GTF2I: variants seen among roughly 807,000 people sequenced by gnomAD.
GTF2I encodes general transcription factor IIi.
GTF2I carries 12 observed loss-of-function variants against 67.6 expected under a neutral mutation model. The ratio of observed to expected loss-of-function variants is 0.18; its 90% CI spans 0.11 to 0.29. The LOEUF (loss-of-function observed/expected upper bound fraction) is 0.29. Among genes scored for constraint, GTF2I ranks in the 10% least tolerant of loss-of-function variants. The probability of loss-of-function intolerance (pLI) is 1.00; values close to 1 mark genes in which losing one functional copy is unlikely to be tolerated. For synonymous variants in GTF2I, 149 were observed against 197.0 expected (o/e 0.76, Z 2.04); for missense variants, 271 against 580.1 (o/e 0.47, Z 5.47).
chr7:74,709,201 C>T (rs1554402088), intron 8 of GTF2I, among the ~76,000 whole-genome samples: 1 of 152,138 alleles, frequency 6.6e-6, no homozygotes, highest in Non-Finnish European at 1.5e-5. Flanking sequence ...CCACAGTCTA[C>T]GTTTCTGCAG....
intron 8 of GTF2I, among the ~76,000 whole-genome samples, chr7:74,708,725 T>G (rs1312658674): frequency 6.6e-6 from 1 of 152,182 alleles, no homozygotes; most frequent in Non-Finnish European, 1.5e-5. Flanking sequence ...GAGCTCAAAC[T>G]TCAGCAGAAA....
At position 74,717,745 on chromosome 7, in the gene GTF2I, A is replaced by G. The variant is rs587701113; in HGVS notation, c.880+795A>G. ...TTTACATTTTTATTTTAATTAAAAA[A>G]AAACATTTGTTTGATCTTTTACCTT... On this transcript the variant is annotated intron_variant, in intron 11 of 34. Coordinates refer to ENST00000573035, the MANE Select transcript of GTF2I (RefSeq NM_032999.4). Among the ~76,000 whole-genome samples the G allele has an allele frequency of 3.3e-5, 5 of 152,362 alleles. No homozygotes were observed. In the East Asian group the frequency reaches 9.6e-4, roughly 29 times the overall value.
At chr7:74,697,201 T>C (rs1305396983) in intron 3 of GTF2I, among the ~76,000 whole-genome samples, 5 of 151,996 alleles carry the variant, frequency 3.3e-5, no homozygotes, top group African/African-American at 4.8e-5. Flanking sequence ...ATCGAGACCA[T>C]GTGGCCAACA....
chr7:74,690,091 T>G (rs1788136617), intron 2 of GTF2I, among the ~76,000 whole-genome samples: 1 of 152,052 alleles, frequency 6.6e-6, no homozygotes, highest in South Asian at 2.1e-4. Flanking sequence ...AGCGTGTGCC[T>G]GTAGTCCCAG....
At chr7:74,711,635 T>C (rs1183166261) in intron 9 of GTF2I, among the ~76,000 whole-genome samples, 1 of 152,206 alleles carries the variant, frequency 6.6e-6, no homozygotes. Context: ...TTTTCTGTTT[T>C]AGGTTAGTTT....
chr7:74,684,501 G>T (rs782209996), intron 1 of GTF2I, among the ~76,000 whole-genome samples: 1 of 152,152 alleles, frequency 6.6e-6, no homozygotes, highest in Non-Finnish European at 1.5e-5. Context: ...CCTCCTGATG[G>T]CAGTTTCTTT....
At chr7:74,705,920 A>T (rs926385178) in intron 7 of GTF2I, among the ~76,000 whole-genome samples, 1 of 151,644 alleles carries the variant, frequency 6.6e-6, no homozygotes, top group Admixed American at 6.6e-5. Context: ...TCCCCAAAAG[A>T]TAGATAGAAA....
At chr7:74,676,952 C>A (rs587615662) in intron 1 of GTF2I, among the ~76,000 whole-genome samples, 1 of 151,898 alleles carries the variant, frequency 6.6e-6, no homozygotes, top group African/African-American at 2.4e-5. Flanking sequence ...CCAGCTACTC[C>A]GGAGATCCAG....
At chr7:74,716,543 T>G in intron 10 of GTF2I, 1 of 193,288 alleles carries the variant, frequency 5.2e-6, no homozygotes, top group Non-Finnish European at 1.1e-5. Context: ...TCTGTTTGTG[T>G]ATGTGTGTCT....
At chr7:74,701,415 T>G (rs1387014332) in intron 6 of GTF2I, among the ~76,000 whole-genome samples, 1 of 152,216 alleles carries the variant, frequency 6.6e-6, no homozygotes, top group Non-Finnish European at 1.5e-5. Context: ...AAGATTAATT[T>G]TTTAGCAGCT....
At chr7:74,674,777 C>T (rs1275548579) in intron 1 of GTF2I, among the ~76,000 whole-genome samples, 3 of 151,590 alleles carry the variant, frequency 2.0e-5, no homozygotes, top group Non-Finnish European at 4.4e-5. Flanking sequence ...GAACTCCCAA[C>T]CTCAGGTGAT....
At chr7:74,689,082 C>G (rs199606670) in intron 1 of GTF2I, 42 bp from the exon 2 acceptor site, 15 of 1,198,428 alleles carry the variant, frequency 1.3e-5, no homozygotes, top group Non-Finnish European at 1.7e-5. Flanking sequence ...TTCAGGACAC[C>G]AGATTTCTAC....
intron 1 of GTF2I, among the ~76,000 whole-genome samples, chr7:74,677,059 C>CAAAACAAAACA (rs747576282): frequency 2.0e-5 from 3 of 150,810 alleles, no homozygotes; most frequent in Admixed American, 1.3e-4. Context: ...ACTCTGTCTC[C>CAAAACAAAACA]AAAACAAAAC....
chr7:74,667,305 T>C (rs2131199870), intron 1 of GTF2I, among the ~76,000 whole-genome samples: 1 of 152,272 alleles, frequency 6.6e-6, no homozygotes, highest in Non-Finnish European at 1.5e-5. Context: ...ATCTTGCCAC[T>C]GCTCTCCAGC....
chr7:74,658,917 T>A (rs1034976183), intron 1 of GTF2I, among the ~76,000 whole-genome samples: 8 of 152,124 alleles, frequency 5.3e-5, no homozygotes, highest in Non-Finnish European at 8.8e-5. Flanking sequence ...CTCCCCGACT[T>A]CTCCACTTTT....
intron 1 of GTF2I, among the ~76,000 whole-genome samples, chr7:74,666,522 T>C (rs587686897): frequency 4.8e-4 from 26 of 54,722 alleles, no homozygotes; most frequent in Non-Finnish European, 6.7e-4. Context: ...TTTCTTCGTT[T>C]TCCCCCCCGG....
intron 1 of GTF2I, among the ~76,000 whole-genome samples, chr7:74,662,510 C>CTTT (rs1804602026): frequency 1.5e-4 from 6 of 41,120 alleles, no homozygotes; most frequent in Non-Finnish European, 2.2e-4. Context: ...GCACCTGGAC[C>CTTT]CTTTTTTTTT....
At chr7:74,690,113 G>A (rs1294943431) in intron 2 of GTF2I, among the ~76,000 whole-genome samples, 1 of 152,060 alleles carries the variant, frequency 6.6e-6, no homozygotes, top group Admixed American at 6.6e-5. Flanking sequence ...AACCCGGGAG[G>A]CTGAGACAGG....
At chr7:74,683,358 C>G (rs1255063234) in intron 1 of GTF2I, among the ~76,000 whole-genome samples, 1 of 152,114 alleles carries the variant, frequency 6.6e-6, no homozygotes, top group Admixed American at 6.6e-5. Context: ...ATGAAATAAC[C>G]TTAGTGTGCT....
Sources: gnomAD v4.1 joint callset for allele counts (sites outside exome capture counted in the v4.1 genomes callset) on GRCh38, gnomAD v4.1.1 for gene constraint, MANE v1.5 for transcripts, NCBI Gene and HGNC (gene_info 2026-07-23, HGNC 2026-07-21) for gene names.